Variants in MACROD2 observed in about 807,000 individuals in gnomAD.
MACROD2 encodes the protein ADP-ribose glycohydrolase MACROD2.
Under a neutral mutation model 70.4 loss-of-function variants are expected in MACROD2, and 36 were observed. The ratio of observed to expected loss-of-function variants is 0.51; its 90% confidence interval spans 0.39 to 0.68. The LOEUF is 0.68. Among genes scored for constraint, MACROD2 ranks in the 30% least tolerant of loss-of-function variants. The pLI is 0.00. For missense variants in MACROD2, 496 were observed against 538.4 expected (o/e 0.92, Z 0.78); for synonymous variants, 172 against 178.8 (o/e 0.96, Z 0.30).
At chr20:15,330,737 G>T (rs781729023) in intron 6 of MACROD2, among the ~76,000 whole-genome samples, 9 of 151,670 alleles carry the variant, frequency 5.9e-5, no homozygotes, top group Admixed American at 3.3e-4. Flanking sequence ...CTGACTAATG[G>T]ATTAAAGTGA....
At chr20:14,200,470 A>G (rs183535786) in intron 3 of MACROD2, among the ~76,000 whole-genome samples, 438 of 152,328 alleles carry the variant, frequency 2.9e-3, no homozygotes, top group African/African-American at 9.7e-3. Flanking sequence ...AATCTGTACA[A>G]CAAACCCCCA....
chr20:14,973,225 C>CTTTTTTGTTTTTTT (rs2074707736), intron 5 of MACROD2, among the ~76,000 whole-genome samples: 1 of 85,714 alleles, frequency 1.2e-5, no homozygotes, highest in Non-Finnish European at 2.2e-5. Context: ...TGAGTAGTTG[C>CTTTTTTGTTTTTTT]TTTTTTTTTT....
intron 4 of MACROD2, among the ~76,000 whole-genome samples, chr20:14,513,994 A>C (rs575931407): frequency 2.0e-5 from 3 of 152,124 alleles, no homozygotes; most frequent in Non-Finnish European, 4.4e-5. Context: ...CATGGGCTTC[A>C]TATCTAGCTC....
At chr20:14,088,800 TA>T (rs2054113974) in intron 3 of MACROD2, among the ~76,000 whole-genome samples, 1 of 152,230 alleles carries the variant, frequency 6.6e-6, no homozygotes, top group South Asian at 2.1e-4. Flanking sequence ...GTGTATTTGT[TA>T]AATTGAATTA....
intron 3 of MACROD2, among the ~76,000 whole-genome samples, chr20:14,118,122 A>G (rs2054537984): frequency 6.6e-6 from 1 of 152,202 alleles, no homozygotes; most frequent in Non-Finnish European, 1.5e-5. Context: ...TTTGTTATAC[A>G]GCAATAAAAG....
At chr20:14,260,055 A>G (rs1229284753) in intron 3 of MACROD2, among the ~76,000 whole-genome samples, 1 of 152,216 alleles carries the variant, frequency 6.6e-6, no homozygotes, top group African/African-American at 2.4e-5. Context: ...ATCCACCCTC[A>G]AATTAAGTTA....
intron 15 of MACROD2, among the ~76,000 whole-genome samples, chr20:16,001,226 G>C (rs1601302685): frequency 1.3e-5 from 2 of 152,272 alleles, no homozygotes; most frequent in South Asian, 4.1e-4. Flanking sequence ...GGAGTACTTT[G>C]AATGTTAATT....
chr20:14,399,888 T>A (rs1409947757), intron 3 of MACROD2, among the ~76,000 whole-genome samples: 2 of 152,190 alleles, frequency 1.3e-5, no homozygotes, highest in East Asian at 3.8e-4. Flanking sequence ...AAATGTCATA[T>A]ATTGTATTCT....
At chr20:14,691,506 C>T (rs560061134) in intron 5 of MACROD2, among the ~76,000 whole-genome samples, 5 of 152,206 alleles carry the variant, frequency 3.3e-5, no homozygotes, top group Admixed American at 6.5e-5. Flanking sequence ...GTGAGTAAGT[C>T]GAGTCTCTCA....
chr20:14,313,424 TC>T (rs1259642315), intron 3 of MACROD2, among the ~76,000 whole-genome samples: 1 of 114,366 alleles, frequency 8.7e-6, no homozygotes, highest in African/African-American at 3.3e-5. Flanking sequence ...ACTGCTGCTT[TC>T]CCCCTCCTTT....
At chr20:14,934,334 T>A (rs1241451208) in intron 5 of MACROD2, among the ~76,000 whole-genome samples, 1 of 152,200 alleles carries the variant, frequency 6.6e-6, no homozygotes, top group Non-Finnish European at 1.5e-5. Context: ...ACATTCTCGT[T>A]AAGTGAGAGC....
intron 7 of MACROD2, among the ~76,000 whole-genome samples, chr20:15,438,918 G>C (rs954004085): frequency 3.9e-5 from 6 of 152,166 alleles, no homozygotes; most frequent in African/African-American, 1.4e-4. Flanking sequence ...AAGCTACCCA[G>C]TTGGTATTTT....
At chr20:15,690,324 T>C (rs2050283471) in intron 8 of MACROD2, among the ~76,000 whole-genome samples, 1 of 152,104 alleles carries the variant, frequency 6.6e-6, no homozygotes, top group African/African-American at 2.4e-5. Context: ...AAGGGAAAAA[T>C]CAAGGATGAT....
intron 5 of MACROD2, among the ~76,000 whole-genome samples, chr20:15,041,157 AT>A (rs2075353235): frequency 6.6e-6 from 1 of 152,174 alleles, no homozygotes; most frequent in African/African-American, 2.4e-5. Context: ...TCTGATCTCC[AT>A]TTGTGGAAGA....
chr20:14,541,433 A>G (rs1600362481), intron 4 of MACROD2, among the ~76,000 whole-genome samples: 1 of 152,090 alleles, frequency 6.6e-6, no homozygotes, highest in East Asian at 1.9e-4. Context: ...CCTCCCACCC[A>G]TACCATGCTT....
In MACROD2 at chr20:15,435,880, G is replaced by T. The variant is rs535019031; in HGVS notation, c.571+4445G>T. On this transcript the variant is annotated intron_variant, in intron 7 of 17. Transcript: ENST00000684519. ...ATTAATAGTGTGAGTCACATTAGCT[G>T]GCTTGGAGGGCTGTCACCAGGCAAG... 2.0e-5 allele frequency among the ~76,000 whole-genome samples: 3 copies of T among 152,214 alleles called. No homozygotes were observed. In the South Asian group the frequency reaches 6.2e-4, roughly 32 times the overall value.
chr20:15,810,682 A>G (rs999452089), intron 8 of MACROD2, among the ~76,000 whole-genome samples: 6 of 152,338 alleles, frequency 3.9e-5, no homozygotes, highest in Non-Finnish European at 7.3e-5. Context: ...CCTGACTTCA[A>G]ACTGTACTAC....
intron 3 of MACROD2, among the ~76,000 whole-genome samples, chr20:14,261,293 C>T (rs1367312950): frequency 2.6e-5 from 4 of 152,072 alleles, no homozygotes; most frequent in Non-Finnish European, 4.4e-5. Context: ...AATGAGGAAG[C>T]ATGTTGAAAA....
At chr20:14,441,539 A>G (rs1034227437) in intron 3 of MACROD2, among the ~76,000 whole-genome samples, 1 of 152,178 alleles carries the variant, frequency 6.6e-6, no homozygotes, top group African/African-American at 2.4e-5. Context: ...ATCTGTAGTG[A>G]CCGTTTTCTC....
Sources: gnomAD v4.1 joint callset for allele counts (sites outside exome capture counted in the v4.1 genomes callset) on GRCh38, gnomAD v4.1.1 for gene constraint, MANE v1.5 for transcripts, NCBI Gene and HGNC (gene_info 2026-07-23, HGNC 2026-07-21) for gene names.